The following RIC3 variants were observed in gnomAD, a reference collection of about 807,000 sequenced individuals.
RIC3 encodes protein RIC-3.
RIC3 carries 28 observed loss-of-function variants against 27.3 expected under a neutral mutation model. That is an observed-to-expected ratio of 1.02 (90% CI 0.76 to 1.41). The LOEUF is 1.41. Ranked by LOEUF, RIC3 falls within the 40% of genes most tolerant of loss-of-function variation. RIC3 has a pLI of 0.00. For synonymous variants in RIC3, 184 were observed against 160.4 expected, an observed-to-expected ratio of 1.15 and a Z score of -1.11; for missense variants, 501 against 444.7, an observed-to-expected ratio of 1.13 and a Z score of -1.14.
chr11:8,129,183 T>A (rs2133692013), intron 4 of RIC3, among the ~76,000 whole-genome samples: 1 of 152,096 alleles, frequency 6.6e-6, no homozygotes, highest in East Asian at 1.9e-4. Context: ...CCTTAGCTAT[T>A]GAGACATTTG....
intron 5 of RIC3, among the ~76,000 whole-genome samples, chr11:8,122,868 A>C (rs1316900505): frequency 6.7e-6 from 1 of 149,200 alleles, no homozygotes; most frequent in Non-Finnish European, 1.5e-5. Context: ...GGTATGCAAA[A>C]AAAAAAAAAA....
chr11:8,096,589 G>A, the RIC3 span: 1 of 814,800 alleles, frequency 1.2e-6, no homozygotes, highest in Non-Finnish European at 2.2e-6. Context: ...GGGTACAGGT[G>A]AGTCAGTGTC....
rs376209836 is a variant in RIC3 at position 8,141,066 on chromosome 11, G to A, written c.125-873C>T. Among the ~76,000 whole-genome samples, 49 of 148,108 alleles carry A rather than the reference G, an allele frequency of 3.3e-4. No homozygotes were observed. In the South Asian group the frequency reaches 6.1e-3, roughly 19 times the overall value. On this transcript the variant is annotated intron_variant, in intron 1 of 5. Coordinates refer to ENST00000309737, the MANE Select transcript of RIC3 (RefSeq NM_001206671.4). ...TGGAAAGGAACAACCGGTACCAGCC[G>A]CTGCAAAATCATGCCAAAATGTAAA...
intron 4 of RIC3, among the ~76,000 whole-genome samples, chr11:8,135,287 A>C (rs1344192016): frequency 6.6e-6 from 1 of 152,154 alleles, no homozygotes; most frequent in Non-Finnish European, 1.5e-5. Flanking sequence ...AAGATCAGAT[A>C]GTTGTAGATG....
chr11:8,105,193 C>G (rs1275946766), downstream of RIC3: 1 of 152,224 alleles, frequency 6.6e-6, no homozygotes, highest in Non-Finnish European at 1.5e-5. Context: ...CTTCCCTTCT[C>G]TAATTCCTTA....
At chr11:8,143,953 T>A (rs1258640073) in intron 1 of RIC3, among the ~76,000 whole-genome samples, 2 of 152,084 alleles carry the variant, frequency 1.3e-5, no homozygotes, top group African/African-American at 2.4e-5. Flanking sequence ...TAATAAATGG[T>A]GCTGGGATAA....
rs920580544 is a variant in RIC3 at position 8,108,464 on chromosome 11, G to A, written c.*2234C>T. The A allele has an allele frequency of 6.6e-6, 1 of 152,174 alleles. No individual in the cohort carries two copies. The highest frequency in any genetic ancestry group is 2.4e-5 in the African/African-American group (1 of 41,432). The allele number at this position is 152,174 out of a possible 1,614,324, so 9.4% of individuals were successfully genotyped here. A position where few individuals can be genotyped will look rare whatever the true frequency, so the allele number is the denominator to read the frequency against. ...AATAAAAACATAATTACCACTTAAT[G>A]AGTGGTTATCATGTATGAGCTAGAA... On this transcript the variant is annotated 3_prime_UTR_variant, in exon 6 of 6. Coordinates refer to ENST00000309737, the MANE Select transcript of RIC3 (RefSeq NM_001206671.4).
the RIC3 span, chr11:8,097,571 TTG>T: frequency 4.3e-5 from 57 of 1,337,646 alleles, no homozygotes; most frequent in Non-Finnish European, 5.2e-5. Flanking sequence ...GTGCACATCT[TTG>T]TGTTTTCCAG....
chr11:8,118,838 T>C (rs1946154827), intron 5 of RIC3, among the ~76,000 whole-genome samples: 1 of 150,502 alleles, frequency 6.6e-6, no homozygotes, highest in Non-Finnish European at 1.5e-5. Flanking sequence ...ACCATTGCAC[T>C]CTAGCCTGGG....
At chr11:8,095,452 C>T in the RIC3 span, 3 of 1,564,122 alleles carry the variant, frequency 1.9e-6, no homozygotes, top group Non-Finnish European at 8.7e-7. Flanking sequence ...TCCAGGCCCT[C>T]CTCTCCTCCT....
chr11:8,128,564 T>C lies in RIC3; in HGVS notation c.522-1757A>G, dbSNP rs531588627. Among the ~76,000 whole-genome samples, 382 of 152,274 alleles carry C rather than the reference T, an allele frequency of 2.5e-3. No individual in the cohort carries two copies. In the Middle Eastern group the frequency reaches 0.031, roughly 12 times the overall value. ...GGATTCCTTATCATCTCAACTTGGT[T>C]TGATACTCCTAGAGGGCAGTAATAA... On this transcript the variant is annotated intron_variant, in intron 4 of 5. Coordinates refer to ENST00000309737, the MANE Select transcript of RIC3 (RefSeq NM_001206671.4).
intron 5 of RIC3, among the ~76,000 whole-genome samples, chr11:8,121,867 T>C (rs983197675): frequency 2.0e-5 from 3 of 152,212 alleles, no homozygotes; most frequent in Non-Finnish European, 4.4e-5. Flanking sequence ...CCCTTAGAAT[T>C]TGTGTTGCTT....
chr11:8,106,400 C>T lies in RIC3; in HGVS notation c.*4298G>A, dbSNP rs923077681. On this transcript the variant is annotated 3_prime_UTR_variant, in exon 6 of 6. Coordinates refer to ENST00000309737, the MANE Select transcript of RIC3 (RefSeq NM_001206671.4). ...CTCACCAATGACATGTGGGTCAACA[C>T]TGTCCTTCCTCTGGCCTGTGCCTTT... 2 of 152,206 alleles carry T rather than the reference C, an allele frequency of 1.3e-5. No homozygotes were observed. The highest frequency in any genetic ancestry group is 2.9e-5 in the Non-Finnish European group (2 of 68,040). 9.4% of individuals were successfully genotyped at this position (152,206 alleles called of 1,614,324 possible).
chr11:8,124,083 G>GAA (rs1308293641), intron 5 of RIC3, among the ~76,000 whole-genome samples: 1 of 147,974 alleles, frequency 6.8e-6, no homozygotes, highest in African/African-American at 2.5e-5. Flanking sequence ...AAGAAAGAAA[G>GAA]AAAGAAAAAG....
chr11:8,094,247 G>A, the RIC3 span: 3 of 1,532,626 alleles, frequency 2.0e-6, no homozygotes, highest in Non-Finnish European at 2.6e-6. Context: ...TGTAGGGCTG[G>A]GGAAGGTTTG....
chr11:8,135,554 A>G (rs563241557), intron 4 of RIC3: 1 of 152,208 alleles, frequency 6.6e-6, no homozygotes, highest in African/African-American at 2.4e-5. Context: ...ATGGCGTTGA[A>G]TCTATAAATT....
intron 1 of RIC3, 88 bp from the exon 2 acceptor site, chr11:8,140,281 G>A: frequency 1.6e-6 from 2 of 1,221,762 alleles, no homozygotes; most frequent in Non-Finnish European, 2.2e-6. Flanking sequence ...TATAAAAGAG[G>A]CCAACACAAA....
At chr11:8,117,655 T>A (rs964381528) in intron 5 of RIC3, among the ~76,000 whole-genome samples, 4 of 152,176 alleles carry the variant, frequency 2.6e-5, no homozygotes, top group African/African-American at 7.2e-5. Flanking sequence ...AATAACAGTA[T>A]GTTGTATATT....
At position 8,137,434 on chromosome 11, in the gene RIC3, C is replaced by T; in HGVS notation, c.465G>A (p.Lys155=). The stretch of plus-strand genomic sequence containing the variant: ...ATTTTTCCATGGCTGCTTCTGTCTC[C>T]TTCAGTTTTTCTTGCAGTTGAGCAA... ...FELAQLQEKL[K]ETEAAMEKLI... Residue 155 remains lysine (K), a synonymous_variant, in exon 4 of 6, where the codon AAG becomes AAA. Transcript: ENST00000309737. 1 of 1,614,074 alleles carries T rather than the reference C, an allele frequency of 6.2e-7. No homozygotes were observed. The highest frequency in any genetic ancestry group is 8.5e-7 in the Non-Finnish European group (1 of 1,180,026).
Sources: gnomAD v4.1 joint callset for allele counts (sites outside exome capture counted in the v4.1 genomes callset) on GRCh38, gnomAD v4.1.1 for gene constraint, MANE v1.5 for transcripts, NCBI Gene and HGNC (gene_info 2026-07-23, HGNC 2026-07-21) for gene names.